Variants in OPTC observed in about 807,000 individuals in gnomAD.
OPTC encodes opticin, also known as oculoglycan.
In OPTC, 22 loss-of-function variants were observed where a neutral mutation model predicts 25.4. That is an observed-to-expected ratio of 0.87 (90% CI 0.62 to 1.24). The LOEUF is 1.24. OPTC is among the 50% of genes most tolerant of loss of function. OPTC has a pLI of 0.00. For synonymous variants in OPTC, 169 were observed against 179.3 expected (o/e 0.94, Z 0.46); for missense variants, 417 against 425.2 (o/e 0.98, Z 0.17).
At chr1:203,503,871 C>G (rs895121730) in intron 7 of OPTC, 126 bp downstream of exon 7, 1 of 776,572 alleles carries the variant, frequency 1.3e-6, no homozygotes, top group African/African-American at 1.7e-5. Flanking sequence ...ATATCACACA[C>G]ATGCACACGC....
chr1:203,498,718 C>T lies in OPTC; in HGVS notation c.408C>T (p.Ser136=), dbSNP rs750892858. The T allele has an allele frequency of 6.2e-7, 1 of 1,614,074 alleles. No individual in the cohort carries two copies. ...PTCLVCVCLG[S]SVYCDDIDLE... ...GCCTGGTCTGCGTGTGCCTCGGTTC[C>T]TCTGTGTATTGCGATGACATTGACC... Residue 136 remains serine, a synonymous_variant, in exon 4 of 8, where the codon TCC becomes TCT. Transcript: ENST00000367222.
rs377265613 is a variant in OPTC, at chr1:203,503,676, G to A, written c.955G>A (p.Ala319Thr). 96 of 1,611,834 alleles carry A rather than the reference G, an allele frequency of 6.0e-5. No homozygotes were observed. Among genetic ancestry groups the A allele is most frequent in the African/African-American group, 2.8e-4 (21 of 75,012 alleles). The change falls in exon 7 of 8, where the codon GCC (alanine) becomes ACC (threonine). Residue 319 changes from alanine to threonine, a missense_variant. By Grantham distance (58) the Ala-to-Thr change is moderately conservative. Transcript: ENST00000367222. ...NPINLSLFPSAYFCLPRLPIG... is the reference protein window; with the variant it reads ...NPINLSLFPSTYFCLPRLPIG... ...CATCAACCTCAGCCTCTTCCCCAGC[G>A]CCTACTTCTGCCTGCCTCGGCTCCC...
intron 7 of OPTC, among the ~76,000 whole-genome samples, chr1:203,504,036 C>A (rs1301428197): frequency 6.6e-6 from 1 of 152,122 alleles, no homozygotes; most frequent in South Asian, 2.1e-4. Flanking sequence ...CTTGCACCCA[C>A]ACAGAATGCC....
chr1:203,497,693 T>C (rs552403376), intron 3 of OPTC, among the ~76,000 whole-genome samples: 1 of 152,138 alleles, frequency 6.6e-6, no homozygotes, highest in Non-Finnish European at 1.5e-5. Flanking sequence ...TTGCCCGCGG[T>C]TTCCCTGTTC....
At chr1:203,507,936 A>G (rs1277680575) in intron 7 of OPTC, among the ~76,000 whole-genome samples, 1 of 152,174 alleles carries the variant, frequency 6.6e-6, no homozygotes, top group African/African-American at 2.4e-5. Context: ...CCCTGGGAAT[A>G]GTAATCTCTT....
intron 1 of OPTC, among the ~76,000 whole-genome samples, chr1:203,495,430 C>T (rs4971216): frequency 0.14 from 22,030 of 152,150 alleles, 1,791 homozygotes; most frequent in East Asian, 0.31. Flanking sequence ...GCAGGAGATT[C>T]GCTTGAACCC....
chr1:203,501,657 G>A (rs1661393240), intron 5 of OPTC, among the ~76,000 whole-genome samples: 1 of 152,136 alleles, frequency 6.6e-6, no homozygotes, highest in Admixed American at 6.5e-5. Context: ...GAGCACAGAG[G>A]CACACCTGCT....
intron 2 of OPTC, 132 bp downstream of exon 2, chr1:203,496,368 C>T (rs1661280558): frequency 7.0e-6 from 5 of 719,144 alleles, no homozygotes; most frequent in Non-Finnish European, 7.6e-6. Flanking sequence ...AAATTCTTAT[C>T]CCTCCATAGG....
intron 4 of OPTC, 51 bp downstream of exon 4, chr1:203,498,890 C>T: frequency 1.3e-6 from 2 of 1,597,012 alleles, no homozygotes; most frequent in Non-Finnish European, 1.7e-6. Flanking sequence ...ATGCAGCCAC[C>T]CTGCCACTAG....
chr1:203,504,769 T>C (rs975389281), intron 7 of OPTC, among the ~76,000 whole-genome samples: 1 of 152,222 alleles, frequency 6.6e-6, no homozygotes, highest in Non-Finnish European at 1.5e-5. Flanking sequence ...GGCCAGTCTC[T>C]TGAGCGTGGT....
chr1:203,505,514 A>G (rs1661466481), intron 7 of OPTC, among the ~76,000 whole-genome samples: 1 of 152,204 alleles, frequency 6.6e-6, no homozygotes, highest in African/African-American at 2.4e-5. Context: ...GAATCCATGT[A>G]TCTGCCTCCC....
Position 203,508,680 on chromosome 1 carries a change from A to G in OPTC, c.*60A>G, listed in dbSNP as rs962215194. The G allele has an allele frequency of 1.3e-5, 2 of 151,908 alleles. No individual in the cohort carries two copies. Among genetic ancestry groups the G allele is most frequent in the Non-Finnish European group, 2.9e-5 (2 of 68,028 alleles). 9.4% of individuals were successfully genotyped at this position (151,908 alleles called of 1,614,324 possible). A position where few individuals can be genotyped will look rare whatever the true frequency, so the allele number is the denominator to read the frequency against. On this transcript the variant is annotated 3_prime_UTR_variant, in exon 8 of 8. Transcript: ENST00000367222. The stretch of plus-strand genomic sequence containing the variant: ...TGGACCAGCGGGCATCACATTCTCC[A>G]GCAGCCGCCATCTCACACGCCTCCC...
chr1:203,495,485 C>T (rs1193016649), intron 1 of OPTC, among the ~76,000 whole-genome samples: 1 of 152,156 alleles, frequency 6.6e-6, no homozygotes, highest in African/African-American at 2.4e-5. Flanking sequence ...CACTGCACTC[C>T]AGCCCGGGAA....
chr1:203,498,607 A>G, intron 3 of OPTC, 74 bp from the exon 4 acceptor site: 2 of 1,583,754 alleles, frequency 1.3e-6, no homozygotes, highest in Non-Finnish European at 1.7e-6. Context: ...TGGTTCAGAC[A>G]CTCCCTGGGG....
chr1:203,505,973 TTC>T (rs1254544095), intron 7 of OPTC, among the ~76,000 whole-genome samples: 1 of 151,980 alleles, frequency 6.6e-6, no homozygotes, highest in African/African-American at 2.4e-5. Flanking sequence ...TGTGTGTGTT[TTC>T]TGTCTCTCTC....
chr1:203,504,936 T>C (rs567039613), intron 7 of OPTC, among the ~76,000 whole-genome samples: 2 of 152,320 alleles, frequency 1.3e-5, no homozygotes, highest in South Asian at 2.1e-4. Flanking sequence ...GGGGCTACTA[T>C]GCTGGAAGGA....
intron 7 of OPTC, among the ~76,000 whole-genome samples, chr1:203,505,437 C>A (rs1457376441): frequency 6.6e-6 from 1 of 152,196 alleles, no homozygotes; most frequent in Non-Finnish European, 1.5e-5. Flanking sequence ...GCCAAGGCAA[C>A]TATTCAAGGT....
intron 6 of OPTC, 50 bp downstream of exon 6, chr1:203,503,059 A>C (rs1478799382): frequency 6.9e-7 from 1 of 1,443,914 alleles, no homozygotes; most frequent in South Asian, 1.2e-5. Flanking sequence ...GGAGGATGGA[A>C]GTTAGATACC....
intron 7 of OPTC, among the ~76,000 whole-genome samples, chr1:203,506,481 A>G (rs1456693760): frequency 6.7e-5 from 2 of 29,988 alleles, no homozygotes; most frequent in Non-Finnish European, 1.1e-4. Context: ...AAATCTAATT[A>G]AAAAAAAAAA....
Sources: allele counts gnomAD v4.1 joint callset (sites outside exome capture counted in the v4.1 genomes callset), GRCh38; gene constraint gnomAD v4.1.1; transcripts MANE v1.5; gene names NCBI Gene and HGNC (gene_info 2026-07-23, HGNC 2026-07-21).